The following CNTNAP3B variants were observed in gnomAD, a reference collection of about 807,000 sequenced individuals.
The protein encoded by CNTNAP3B is contactin associated protein family member 3B.
Under a neutral mutation model 108.9 loss-of-function variants are expected in CNTNAP3B, and 25 were observed. The ratio of observed to expected loss-of-function variants is 0.23; its 90% CI spans 0.17 to 0.32. The LOEUF is 0.32. CNTNAP3B is among the 10% of genes least tolerant of loss of function. CNTNAP3B has a pLI of 1.00. For missense variants in CNTNAP3B, 252 were observed against 1,210.4 expected (o/e 0.21, Z 11.75); for synonymous variants, 103 against 473.4 (o/e 0.22, Z 10.16).
intron 1 of CNTNAP3B, among the ~76,000 whole-genome samples, chr9:42,106,338 C>G (rs1220291511): frequency 3.8e-5 from 3 of 78,476 alleles, no homozygotes; most frequent in African/African-American, 1.5e-4. Flanking sequence ...GTGACAATGT[C>G]ACATTTATAC....
chr9:42,026,835 C>T lies in CNTNAP3B; in HGVS notation c.391-13310G>A, dbSNP rs557252625. Among the ~76,000 whole-genome samples the T allele has an allele frequency of 6.9e-4, 94 of 135,984 alleles. 18 individuals are homozygous for T. The highest frequency in any genetic ancestry group is 2.8e-3 in the African/African-American group (94 of 33,748). 89.2% of individuals were successfully genotyped at this position (135,984 alleles called of 152,430 possible). ...ATTTGTAGTAAGGTTTTGAAATTTT[C>T]CCCAGGAACCCAATCCTGCTGAGCC... On this transcript the variant is annotated intron_variant, in intron 3 of 23. Transcript: ENST00000377561.
At position 42,125,907 on chromosome 9, in the gene CNTNAP3B, C is replaced by T. The variant is rs542225475; in HGVS notation, c.85+3103G>A. 7.8e-3 allele frequency among the ~76,000 whole-genome samples: 1,015 copies of T among 130,256 alleles called. 179 individuals are homozygous for T. Among genetic ancestry groups the T allele is most frequent in the South Asian group, 0.055 (213 of 3,858 alleles). 85.5% of individuals were successfully genotyped at this position (130,256 alleles called of 152,430 possible). ...TGCTGAGATTACAGCTGTGAGCCAC[C>T]GTGCCCAGCCTGAACTCCATTTTTT... On this transcript the variant is annotated intron_variant, in intron 1 of 23. Transcript: ENST00000377561.
chr9:41,968,909 G>T (rs1825360360), intron 10 of CNTNAP3B, among the ~76,000 whole-genome samples: 1 of 151,896 alleles, frequency 6.6e-6, no homozygotes, highest in Non-Finnish European at 1.5e-5. Flanking sequence ...CCATTCTCCT[G>T]CCTCAGCCTG....
At chr9:42,116,651 A>G (rs547040442) in intron 1 of CNTNAP3B, among the ~76,000 whole-genome samples, 1 of 139,906 alleles carries the variant, frequency 7.1e-6, no homozygotes, top group Non-Finnish European at 1.5e-5. Context: ...TCATAATGAC[A>G]GGATCAAATT....
chr9:41,994,504 T>C (rs1164410926), intron 7 of CNTNAP3B: 1 of 62,828 alleles, frequency 1.6e-5, no homozygotes, highest in Non-Finnish European at 2.9e-5. Flanking sequence ...TGTGGAGCCT[T>C]GTTATCACTC....
chr9:42,042,999 A>T (rs1826795187), intron 3 of CNTNAP3B, among the ~76,000 whole-genome samples: 1 of 149,932 alleles, frequency 6.7e-6, no homozygotes, highest in Admixed American at 6.6e-5. Flanking sequence ...CATCATCATC[A>T]TCATCATCAT....
In CNTNAP3B at chr9:42,116,525, A is replaced by G. The variant is rs975796390; in HGVS notation, c.86-11786T>C. 2.3e-4 allele frequency among the ~76,000 whole-genome samples: 32 copies of G among 136,220 alleles called. 5 individuals carry two copies. Among genetic ancestry groups the G allele is most frequent in the Non-Finnish European group, 3.1e-5 (2 of 64,218 alleles). 89.4% of individuals were successfully genotyped at this position (136,220 alleles called of 152,430 possible). On this transcript the variant is annotated intron_variant, in intron 1 of 23. Transcript: ENST00000377561. ...CCTTACAAGAGCTCCTGAAGGAAGC[A>G]CTAAACATGGAAAGGAACAACCAGT...
chr9:42,103,596 C>T (rs1355311134), intron 2 of CNTNAP3B, among the ~76,000 whole-genome samples: 1 of 113,008 alleles, frequency 8.8e-6, no homozygotes, highest in African/African-American at 3.6e-5. Context: ...TTAGTCAGGC[C>T]TGGTGGCGGG....
At position 42,003,095 on chromosome 9, in the gene CNTNAP3B, C is replaced by T. The variant is rs1826033274; in HGVS notation, c.539-4491G>A. Among the ~76,000 whole-genome samples the T allele has an allele frequency of 2.2e-5, 3 of 136,432 alleles. No homozygotes were observed. The South Asian group carries it at 7.3e-4, about 33-fold the overall frequency. The allele number at this position is 136,432 out of a possible 152,430, so 89.5% of individuals were successfully genotyped here. A position where few individuals can be genotyped will look rare whatever the true frequency, so the allele number is the denominator to read the frequency against. Reference sequence around the variant, plus strand: ...TAGAGATGGGGGTCTCACTATGATGCCAAGGCTGGTCTTGAATTCCTGGGC... The same window carrying T: ...TAGAGATGGGGGTCTCACTATGATGTCAAGGCTGGTCTTGAATTCCTGGGC... On this transcript the variant is annotated intron_variant, in intron 4 of 23. Transcript: ENST00000377561.
intron 15 of CNTNAP3B, among the ~76,000 whole-genome samples, chr9:41,927,538 AGAGGGAGG>A (rs1182941230): frequency 6.7e-6 from 1 of 148,668 alleles, no homozygotes; most frequent in Non-Finnish European, 1.5e-5. Context: ...AAGGAGAGAA[AGAGGGAGG>A]GAGGGAGGGA....
At chr9:41,967,017 T>C (rs1239368951) in intron 10 of CNTNAP3B, among the ~76,000 whole-genome samples, 1 of 150,122 alleles carries the variant, frequency 6.7e-6, no homozygotes, top group East Asian at 1.9e-4. Flanking sequence ...CCATTATTTG[T>C]GACTCTGTCA....
chr9:41,947,403 C>T (rs1824558948), intron 13 of CNTNAP3B, among the ~76,000 whole-genome samples: 2 of 152,306 alleles, frequency 1.3e-5, no homozygotes, highest in Admixed American at 6.5e-5. Flanking sequence ...TTTTAAAATA[C>T]ACTTCTAAAT....
chr9:42,085,660 C>G (rs1467025872), intron 2 of CNTNAP3B, among the ~76,000 whole-genome samples: 1 of 131,896 alleles, frequency 7.6e-6, no homozygotes, highest in African/African-American at 3.1e-5. Context: ...TCCTATTCAA[C>G]CTCACCTTTC....
intron 12 of CNTNAP3B, among the ~76,000 whole-genome samples, chr9:41,959,575 C>G (rs1447481899): frequency 6.6e-6 from 1 of 152,310 alleles, no homozygotes; most frequent in Non-Finnish European, 1.5e-5. Context: ...TATGGGATTT[C>G]TCACTTTGCT....
At chr9:41,920,858 A>G (rs1692835) in intron 17 of CNTNAP3B, among the ~76,000 whole-genome samples, 2 of 152,298 alleles carry the variant, frequency 1.3e-5, no homozygotes, top group Admixed American at 6.5e-5. Context: ...GGGTGACACC[A>G]TACCCCAGGA....
chr9:42,120,638 A>G lies in CNTNAP3B; in HGVS notation c.85+8372T>C, dbSNP rs1326903324. Among the ~76,000 whole-genome samples, 7 of 137,932 alleles carry G rather than the reference A, an allele frequency of 5.1e-5. 1 individual carries two copies. Among genetic ancestry groups the G allele is most frequent in the Non-Finnish European group, 9.3e-5 (6 of 64,662 alleles). 90.5% of individuals were successfully genotyped at this position (137,932 alleles called of 152,430 possible). A position where few individuals can be genotyped will look rare whatever the true frequency, so the allele number is the denominator to read the frequency against. ...ACATATACACCATGGAATACTATGC[A>G]GCCATAAAAAATGATGAGTTCATGT... is the stretch of plus-strand genomic sequence containing the variant. On this transcript the variant is annotated intron_variant, in intron 1 of 23. Transcript: ENST00000377561.
intron 7 of CNTNAP3B, 124 bp from the exon 8 acceptor site, chr9:41,991,995 G>A: frequency 2.8e-6 from 2 of 722,580 alleles, no homozygotes; most frequent in South Asian, 3.9e-5. Context: ...GCCTGCTAAA[G>A]CTGAAATCTA....
chr9:41,933,795 T>C (rs1290667108), intron 14 of CNTNAP3B, among the ~76,000 whole-genome samples: 2 of 152,282 alleles, frequency 1.3e-5, no homozygotes, highest in Admixed American at 6.5e-5. Flanking sequence ...GACACATGCA[T>C]GAGCTTTTAA....
chr9:42,111,924 C>G (rs1222283922), intron 1 of CNTNAP3B, among the ~76,000 whole-genome samples: 1 of 139,072 alleles, frequency 7.2e-6, no homozygotes, highest in Non-Finnish European at 1.5e-5. Context: ...CGGTTTTAAA[C>G]TATTGCTGAG....
Sources: gnomAD v4.1 joint callset for allele counts (sites outside exome capture counted in the v4.1 genomes callset) on GRCh38, gnomAD v4.1.1 for gene constraint, MANE v1.5 for transcripts, NCBI Gene and HGNC (gene_info 2026-07-23, HGNC 2026-07-21) for gene names.